PCBP4: variants seen among roughly 807,000 people sequenced by gnomAD.
PCBP4 encodes poly(rC) binding protein 4.
PCBP4 carries 24 observed loss-of-function variants against 46.2 expected under a neutral mutation model. The observed-to-expected ratio is 0.52, with a 90% CI of 0.38 to 0.73. The LOEUF is 0.73. Ranked by LOEUF, PCBP4 falls within the 30% of genes least tolerant of loss-of-function variation. The probability of loss-of-function intolerance (pLI) is 0.00; values close to 1 mark genes in which losing one functional copy is unlikely to be tolerated. For missense variants in PCBP4, 407 were observed against 537.0 expected (o/e 0.76, Z 2.39); for synonymous variants, 203 against 224.4 (o/e 0.90, Z 0.85).
chr3:51,962,424 T>C (rs1207414393), intron 1 of PCBP4, among the ~76,000 whole-genome samples: 1 of 152,014 alleles, frequency 6.6e-6, no homozygotes, highest in African/African-American at 2.4e-5. Flanking sequence ...TAGGCGTCTG[T>C]CTCCTGCCAA....
Position 51,959,886 on chromosome 3 carries a change from G to A in PCBP4, c.516+9C>T. On this transcript the variant is annotated intron_variant, in intron 8 of 13. Coordinates refer to ENST00000461554, the MANE Select transcript of PCBP4 (RefSeq NM_001174100.2). This position sits in a 1 kb window ranked among gnomAD's most constrained non-coding sequence, Gnocchi z 5.6. ...TCCTGCCCCCTCTCTCCCTGCCCCA[G>A]GGCAGCACCTCCAGGATAACAGCGC... 6.3e-7 allele frequency: 1 copy of A among 1,577,732 alleles called. No individual in the cohort carries two copies. The highest frequency in any genetic ancestry group is 8.6e-7 in the Non-Finnish European group (1 of 1,160,692).
rs541793783 is a variant in PCBP4 at position 51,957,953 on chromosome 3, C to T, written c.*108G>A. 67 of 1,031,400 alleles carry T rather than the reference C, an allele frequency of 6.5e-5. No individual in the cohort carries two copies. The Middle Eastern group carries it at 2.0e-3, about 31-fold the overall frequency. 63.9% of individuals were successfully genotyped at this position (1,031,400 alleles called of 1,614,324 possible). A position where few individuals can be genotyped will look rare whatever the true frequency, so the allele number is the denominator to read the frequency against. The stretch of plus-strand genomic sequence containing the variant: ...TAGGGGGTGCATCCATGCGTCTGGG[C>T]GTTAGCGGCGTTTGGGACCCCAGGG... On this transcript the variant is annotated 3_prime_UTR_variant, in exon 14 of 14. Coordinates refer to ENST00000461554, the MANE Select transcript of PCBP4 (RefSeq NM_001174100.2).
chr3:51,959,670 GC>G lies in PCBP4; in HGVS notation c.517-20del, dbSNP rs1378725142. 7.1e-6 allele frequency: 11 copies of G among 1,548,354 alleles called. No homozygotes were observed. The highest frequency in any genetic ancestry group is 9.6e-6 in the Non-Finnish European group (11 of 1,144,078). On this transcript the variant is annotated intron_variant, in intron 8 of 13. Coordinates refer to ENST00000461554, the MANE Select transcript of PCBP4 (RefSeq NM_001174100.2). The surrounding 1 kb of genome is among the most constrained non-coding windows in gnomAD (Gnocchi z 5.6). Reference sequence around the variant, plus strand: ...GTGGGGACTGGAAGGCATAAACAGGGCTCTGTCAGGACCCTCTCAGGCTCCG... The same window carrying G: ...GTGGGGACTGGAAGGCATAAACAGGGTCTGTCAGGACCCTCTCAGGCTCCG...
Position 51,960,999 on chromosome 3 carries a change from T to C in PCBP4, c.105+11A>G. On this transcript the variant is annotated intron_variant, in intron 4 of 13. Transcript: ENST00000461554. This position sits in a 1 kb window ranked among gnomAD's most constrained non-coding sequence, Gnocchi z 5.0. ...TGGAGGGGGATGTACAGAGCAGAGC[T>C]AGGCACCTACCTTCCCGATGATGCT... 1 of 1,614,222 alleles carries C rather than the reference T, an allele frequency of 6.2e-7. No homozygotes were observed. Among genetic ancestry groups the C allele is most frequent in the Non-Finnish European group, 8.5e-7 (1 of 1,180,034 alleles).
intron 3 of PCBP4, 39 bp downstream of exon 3, chr3:51,961,121 C>G: frequency 6.8e-6 from 11 of 1,613,906 alleles, no homozygotes; most frequent in Non-Finnish European, 9.3e-6. Context: ...CCCAGCCCAG[C>G]CCAGCCTTGC....
Position 51,959,042 on chromosome 3 carries a change from C to T in PCBP4, c.753+5G>A. The T allele has an allele frequency of 2.5e-6, 4 of 1,613,874 alleles. No individual in the cohort carries two copies. Among genetic ancestry groups the T allele is most frequent in the South Asian group, 1.1e-5 (1 of 91,052 alleles). ...CACCCTCCAGCCATCCCATCCCCTGCTCACATCGTTGGGAACCAAGAACTC... is the reference window on the plus strand; with the variant it reads ...CACCCTCCAGCCATCCCATCCCCTGTTCACATCGTTGGGAACCAAGAACTC... On this transcript the variant is annotated splice_donor_5th_base_variant and intron_variant, in intron 12 of 13. Coordinates refer to ENST00000461554, the MANE Select transcript of PCBP4 (RefSeq NM_001174100.2). This position sits in a 1 kb window ranked among gnomAD's most constrained non-coding sequence, Gnocchi z 5.6.
chr3:51,960,738 G>C lies in PCBP4; in HGVS notation c.139-96C>G. On this transcript the variant is annotated intron_variant, in intron 5 of 13. Coordinates refer to ENST00000461554, the MANE Select transcript of PCBP4 (RefSeq NM_001174100.2). This position sits in a 1 kb window ranked among gnomAD's most constrained non-coding sequence, Gnocchi z 5.0. ...CCCCACTCACCAGGCCTGAGGCAAGGCTCAAAACTGCCACCCTCTGGGGGA... is the reference window on the plus strand; with the variant it reads ...CCCCACTCACCAGGCCTGAGGCAAGCCTCAAAACTGCCACCCTCTGGGGGA... The C allele has an allele frequency of 6.9e-7, 1 of 1,452,406 alleles. No individual in the cohort carries two copies. Among genetic ancestry groups the C allele is most frequent in the Non-Finnish European group, 9.7e-7 (1 of 1,033,068 alleles). 90.0% of individuals were successfully genotyped at this position (1,452,406 alleles called of 1,614,324 possible).
At chr3:51,963,391 T>C (rs747304031) in intron 1 of PCBP4, 5 of 152,204 alleles carry the variant, frequency 3.3e-5, no homozygotes, top group African/African-American at 4.8e-5. Flanking sequence ...AAAGTGGGGA[T>C]TGGGCTTCAG....
chr3:51,958,477 G>A lies in PCBP4; in HGVS notation c.924-128C>T. The A allele has an allele frequency of 1.4e-6, 1 of 689,704 alleles. No individual in the cohort carries two copies. The highest frequency in any genetic ancestry group is 2.3e-6 in the Non-Finnish European group (1 of 431,070). 42.7% of individuals were successfully genotyped at this position (689,704 alleles called of 1,614,324 possible). On this transcript the variant is annotated intron_variant, in intron 13 of 13. Coordinates refer to ENST00000461554, the MANE Select transcript of PCBP4 (RefSeq NM_001174100.2). This position sits in a 1 kb window ranked among gnomAD's most constrained non-coding sequence, Gnocchi z 5.4. Reference sequence around the variant, plus strand: ...GGTAGTGAACAGAGAACAATAAGGGGAAGATGGGAAAGGTGGAAGAGGAAG... The same window carrying A: ...GGTAGTGAACAGAGAACAATAAGGGAAAGATGGGAAAGGTGGAAGAGGAAG...
At chr3:51,964,547 C>T (rs1336259913) in intron 1 of PCBP4, among the ~76,000 whole-genome samples, 3 of 152,206 alleles carry the variant, frequency 2.0e-5, no homozygotes, top group African/African-American at 7.2e-5. Context: ...CAGCTCCCCA[C>T]CTAGCAGCCC....
chr3:51,959,143 C>A lies in PCBP4; in HGVS notation c.701-44G>T, dbSNP rs376800399. On this transcript the variant is annotated intron_variant, in intron 11 of 13. Transcript: ENST00000461554. This position sits in a 1 kb window ranked among gnomAD's most constrained non-coding sequence, Gnocchi z 5.6. ...ACTGAGTGTGGTTCTGGGCCTTTCCCGCCCCACCATTTCCACTCTCCCTGG... is the reference window on the plus strand; with the variant it reads ...ACTGAGTGTGGTTCTGGGCCTTTCCAGCCCCACCATTTCCACTCTCCCTGG... 1.9e-6 allele frequency: 3 copies of A among 1,612,984 alleles called. No individual in the cohort carries two copies. The highest frequency in any genetic ancestry group is 2.5e-6 in the Non-Finnish European group (3 of 1,179,260).
In PCBP4 at chr3:51,957,884, T is replaced by A; in HGVS notation, c.*177A>T. ...CAGCTCAGACCCCTGGGCCAGAAAC[T>A]GCCCCCACTCTGAGAGAAAGAACTC... On this transcript the variant is annotated 3_prime_UTR_variant, in exon 14 of 14. Transcript: ENST00000461554. 1 of 557,348 alleles carries A rather than the reference T, an allele frequency of 1.8e-6. No homozygotes were observed. Among genetic ancestry groups the A allele is most frequent in the South Asian group, 3.3e-5 (1 of 30,672 alleles). The allele number at this position is 557,348 out of a possible 1,614,324, so 34.5% of individuals were successfully genotyped here.
chr3:51,959,179 G>C lies in PCBP4; in HGVS notation c.700+50C>G. ...TTCCACTCTCCCTGGAAGGGAGGGG[G>C]CTGCCCTCTTAGGACCCTCCCCCTG... On this transcript the variant is annotated intron_variant, in intron 11 of 13. Transcript: ENST00000461554. This position sits in a 1 kb window ranked among gnomAD's most constrained non-coding sequence, Gnocchi z 5.6. The C allele has an allele frequency of 6.2e-7, 1 of 1,611,954 alleles. No homozygotes were observed. The highest frequency in any genetic ancestry group is 8.5e-7 in the Non-Finnish European group (1 of 1,178,052).
At chr3:51,966,463 G>A (rs966569446) in intron 1 of PCBP4, among the ~76,000 whole-genome samples, 8 of 152,146 alleles carry the variant, frequency 5.3e-5, no homozygotes, top group African/African-American at 1.9e-4. Flanking sequence ...GAGGCAATGA[G>A]GGTGACCCAG....
intron 1 of PCBP4, chr3:51,963,220 T>C (rs1290979708): frequency 1.3e-5 from 2 of 152,260 alleles, no homozygotes; most frequent in Non-Finnish European, 2.9e-5. Context: ...GAGAACCTGA[T>C]GCCTGGAGAG....
chr3:51,962,312 T>A (rs1381921591), intron 1 of PCBP4, among the ~76,000 whole-genome samples: 1 of 152,110 alleles, frequency 6.6e-6, no homozygotes, highest in African/African-American at 2.4e-5. Flanking sequence ...GAGCCTGAGA[T>A]TAGCTGCTGG....
rs200130523 is a variant in PCBP4 at position 51,960,908 on chromosome 3, G to A, written c.106-10C>T. On this transcript the variant is annotated splice_polypyrimidine_tract_variant and intron_variant, in intron 4 of 13. Transcript: ENST00000461554. The surrounding 1 kb of genome is among the most constrained non-coding windows in gnomAD (Gnocchi z 5.0). Reference sequence around the variant, plus strand: ...TTACAGTCTCGCCCTTCTGTGGGAGGTACAAAACAGATAATCACTCTTAAC... The same window carrying A: ...TTACAGTCTCGCCCTTCTGTGGGAGATACAAAACAGATAATCACTCTTAAC... 2.3e-5 allele frequency: 34 copies of A among 1,505,640 alleles called. No homozygotes were observed. The East Asian group carries it at 7.5e-4, about 33-fold the overall frequency. The allele number at this position is 1,505,640 out of a possible 1,614,324, so 93.3% of individuals were successfully genotyped here.
intron 2 of PCBP4, 29 bp downstream of exon 2, chr3:51,961,912 G>C: frequency 5.5e-6 from 1 of 182,610 alleles, no homozygotes; most frequent in East Asian, 1.9e-4. Flanking sequence ...CAGGGGTTGA[G>C]GGGGGAATTG....
chr3:51,958,732 T>C lies in PCBP4; in HGVS notation c.923+58A>G, dbSNP rs990658799. ...CAGCTTCCTCTCCCCACCCCTGCCT[T>C]TCTTGGGCACATGAGAACCGTGACC... On this transcript the variant is annotated intron_variant, in intron 13 of 13. Coordinates refer to ENST00000461554, the MANE Select transcript of PCBP4 (RefSeq NM_001174100.2). This position sits in a 1 kb window ranked among gnomAD's most constrained non-coding sequence, Gnocchi z 5.4. The C allele has an allele frequency of 2.9e-4, 460 of 1,563,476 alleles. 1 individual carries two copies. The highest frequency in any genetic ancestry group is 1.1e-3 in the South Asian group (96 of 85,668).
Sources: gnomAD v4.1 joint callset for allele counts (sites outside exome capture counted in the v4.1 genomes callset) on GRCh38, gnomAD v4.1.1 for gene constraint, Gnocchi (gnomAD v3.1) non-coding constraint, MANE v1.5 for transcripts, NCBI Gene and HGNC (gene_info 2026-07-23, HGNC 2026-07-21) for gene names.